The following DCC variants were observed in gnomAD, a reference collection of about 807,000 sequenced individuals.
DCC encodes netrin receptor DCC.
A neutral mutation model predicts 172.5 loss-of-function variants in DCC; 58 were observed. That is an observed-to-expected ratio of 0.34 (90% confidence interval 0.27 to 0.42). The LOEUF is 0.42. Ranked by LOEUF, DCC falls within the 10% of genes least tolerant of loss-of-function variation. The pLI is 1.00. For missense variants in DCC, 1,740 were observed against 1,791.0 expected (o/e 0.97, Z 0.51); for synonymous variants, 709 against 644.5 (o/e 1.10, Z -1.52).
At chr18:53,336,190 T>A (rs1473877002) in intron 14 of DCC, among the ~76,000 whole-genome samples, 1 of 152,198 alleles carries the variant, frequency 6.6e-6, no homozygotes, top group African/African-American at 2.4e-5. Context: ...GAGATACTTG[T>A]AAAATGTTTC....
At chr18:52,358,645 G>T (rs1984484913) in intron 1 of DCC, among the ~76,000 whole-genome samples, 1 of 152,140 alleles carries the variant, frequency 6.6e-6, no homozygotes, top group Non-Finnish European at 1.5e-5. Context: ...ACTCCTCATT[G>T]TTACTGATAC....
At chr18:52,362,784 C>T (rs1984677655) in intron 1 of DCC, among the ~76,000 whole-genome samples, 4 of 152,066 alleles carry the variant, frequency 2.6e-5, no homozygotes, top group South Asian at 2.1e-4. Context: ...CTTTTAGCCC[C>T]CCCCACTCCC....
intron 1 of DCC, among the ~76,000 whole-genome samples, chr18:52,552,431 A>G (rs1011606904): frequency 5.3e-5 from 8 of 152,100 alleles, no homozygotes; most frequent in Non-Finnish European, 5.9e-5. Flanking sequence ...GTTGGAAACA[A>G]TTAAAGTTGA....
intron 2 of DCC, chr18:52,892,439 G>A (rs2039664640): frequency 1.3e-5 from 2 of 152,026 alleles, no homozygotes; most frequent in Non-Finnish European, 2.9e-5. Context: ...CTGGACCCAG[G>A]AGAATGACCC....
At chr18:53,504,963 C>T (rs1247085067) in intron 27 of DCC, among the ~76,000 whole-genome samples, 2 of 151,840 alleles carry the variant, frequency 1.3e-5, no homozygotes, top group Admixed American at 6.6e-5. Context: ...TAGATAGATA[C>T]AGGATTTTAC....
chr18:52,481,854 G>A (rs1401369518), intron 1 of DCC, among the ~76,000 whole-genome samples: 2 of 151,960 alleles, frequency 1.3e-5, no homozygotes, highest in African/African-American at 2.4e-5. Context: ...AATCTGAAAT[G>A]TATGATCATG....
intron 1 of DCC, among the ~76,000 whole-genome samples, chr18:52,663,933 T>A (rs1164614703): frequency 3.3e-5 from 5 of 152,078 alleles, no homozygotes; most frequent in Admixed American, 3.3e-4. Flanking sequence ...ACATTCTCAC[T>A]TTCCATAGTA....
In DCC at chr18:53,281,554, C is replaced by T. The variant is rs557753336; in HGVS notation, c.1912-24024C>T. Among the ~76,000 whole-genome samples, 5 of 152,266 alleles carry T rather than the reference C, an allele frequency of 3.3e-5. No homozygotes were observed. The South Asian group carries it at 1.0e-3, about 32-fold the overall frequency. On this transcript the variant is annotated intron_variant, in intron 12 of 28. Transcript: ENST00000442544. Reference sequence around the variant, plus strand: ...CTGTTCAATCTAAACCTGTCCCATTCTGACTTCTGGACTTGTGTCCTTTTG... The same window carrying T: ...CTGTTCAATCTAAACCTGTCCCATTTTGACTTCTGGACTTGTGTCCTTTTG...
chr18:53,214,266 C>G (rs765989893), intron 11 of DCC, among the ~76,000 whole-genome samples: 2 of 151,364 alleles, frequency 1.3e-5, no homozygotes, highest in African/African-American at 2.4e-5. Context: ...ATCAGAAGTT[C>G]AAAATCAAAA....
At chr18:53,106,448 C>T (rs982770723) in intron 7 of DCC, among the ~76,000 whole-genome samples, 1 of 151,936 alleles carries the variant, frequency 6.6e-6, no homozygotes, top group Non-Finnish European at 1.5e-5. Flanking sequence ...ATTCATGTTT[C>T]TTCAACTCAA....
At chr18:53,213,320 A>G (rs757452418) in intron 11 of DCC, among the ~76,000 whole-genome samples, 11 of 152,182 alleles carry the variant, frequency 7.2e-5, no homozygotes, top group Non-Finnish European at 1.6e-4. Flanking sequence ...CAGTATTACA[A>G]CATTAAATAT....
chr18:52,346,479 A>G (rs1166868494), intron 1 of DCC, among the ~76,000 whole-genome samples: 4 of 152,244 alleles, frequency 2.6e-5, no homozygotes, highest in Non-Finnish European at 5.9e-5. Flanking sequence ...TTTAACAACT[A>G]AATCCCTTTA....
chr18:53,369,306 G>A (rs1055670142), intron 15 of DCC, among the ~76,000 whole-genome samples: 1 of 151,812 alleles, frequency 6.6e-6, no homozygotes, highest in Admixed American at 6.6e-5. Context: ...TGCTCTAAAA[G>A]GTGTTTTGGT....
intron 5 of DCC, among the ~76,000 whole-genome samples, chr18:52,942,885 A>G (rs925557827): frequency 6.6e-6 from 1 of 152,222 alleles, no homozygotes. Context: ...CAAAATAATT[A>G]TCATGAGATA....
chr18:52,562,430 G>T (rs556233355), intron 1 of DCC, among the ~76,000 whole-genome samples: 86 of 152,276 alleles, frequency 5.6e-4, no homozygotes, highest in African/African-American at 1.9e-3. Flanking sequence ...AAAGGGATTA[G>T]ATGACTTGTA....
chr18:52,656,275 A>G (rs917850874), intron 1 of DCC, among the ~76,000 whole-genome samples: 1 of 151,864 alleles, frequency 6.6e-6, no homozygotes, highest in African/African-American at 2.4e-5. Flanking sequence ...CTTCATGAAT[A>G]TGATTCGTGC....
Position 53,205,305 on chromosome 18 carries a change from A to G in DCC, c.1663A>G (p.Asn555Asp), listed in dbSNP as rs1055646190. ...LITWEPPAYA[N>D]GPVQGYRLFC... ...TACCTGGGAACCCCCTGCCTATGCA[A>G]ACGGTCCAGTCCAAGGTTACAGATT... is the stretch of plus-strand genomic sequence containing the variant. The change falls in exon 10 of 29, where the codon AAC becomes GAC. Residue 555 changes from asparagine (N) to aspartate (D), a missense_variant. Physicochemically the swap from Asn to Asp is conservative, Grantham distance 23. This residue lies in a region of DCC where 1,732 missense variants were observed against 1,767.4 expected (regional missense o/e 0.98). Transcript: ENST00000442544. 11 of 1,613,990 alleles carry G rather than the reference A, an allele frequency of 6.8e-6. No homozygotes were observed. Among genetic ancestry groups the G allele is most frequent in the Non-Finnish European group, 9.3e-6 (11 of 1,179,908 alleles).
At chr18:52,830,291 T>G in intron 2 of DCC, among the ~76,000 whole-genome samples, 1 of 149,214 alleles carries the variant, frequency 6.7e-6, no homozygotes, top group South Asian at 2.1e-4. Context: ...TTTTTGCAAT[T>G]TAGTTTTTTT....
At chr18:52,444,632 T>G (rs1421314673) in intron 1 of DCC, among the ~76,000 whole-genome samples, 1 of 152,210 alleles carries the variant, frequency 6.6e-6, no homozygotes, top group Admixed American at 6.5e-5. Flanking sequence ...AGGGAAAGGT[T>G]AAAAGATTTG....
Sources: allele counts gnomAD v4.1 joint callset (sites outside exome capture counted in the v4.1 genomes callset), GRCh38; gene constraint gnomAD v4.1.1; regional missense constraint gnomAD v4.1.1; transcripts MANE v1.5; gene names NCBI Gene and HGNC (gene_info 2026-07-23, HGNC 2026-07-21).